THSD7A: variants seen among roughly 807,000 people sequenced by gnomAD.
THSD7A encodes the protein thrombospondin type-1 domain-containing protein 7A.
THSD7A carries 96 observed loss-of-function variants against 231.3 expected under a neutral mutation model. The ratio of observed to expected loss-of-function variants is 0.41; its 90% CI spans 0.35 to 0.49. The LOEUF (loss-of-function observed/expected upper bound fraction) is 0.49, where lower values mean the gene tolerates loss of function less well. THSD7A is among the 20% of genes least tolerant of loss of function. The probability of loss-of-function intolerance (pLI) is 0.05; values close to 1 mark genes in which losing one functional copy is unlikely to be tolerated. For synonymous variants in THSD7A, 940 were observed against 743.3 expected (o/e 1.26, Z -4.30); for missense variants, 2,290 against 2,070.2 (o/e 1.11, Z -2.06).
At chr7:11,502,760 G>A (rs1213679555) in intron 6 of THSD7A, among the ~76,000 whole-genome samples, 1 of 151,984 alleles carries the variant, frequency 6.6e-6, no homozygotes, top group Non-Finnish European at 1.5e-5. Context: ...AATGGTGGAA[G>A]ATCTCTAAAA....
At chr7:11,654,428 G>C (rs1453587912) in intron 1 of THSD7A, among the ~76,000 whole-genome samples, 1 of 151,904 alleles carries the variant, frequency 6.6e-6, no homozygotes, top group East Asian at 1.9e-4. Context: ...AATTGTGTTA[G>C]TTGTTCTTTA....
chr7:11,704,166 T>C (rs568067401), intron 1 of THSD7A, among the ~76,000 whole-genome samples: 1 of 151,188 alleles, frequency 6.6e-6, no homozygotes, highest in African/African-American at 2.4e-5. Context: ...AACAAGTTAT[T>C]TGAAATTTCA....
At chr7:11,557,891 C>G (rs898805627) in intron 4 of THSD7A, among the ~76,000 whole-genome samples, 1 of 152,098 alleles carries the variant, frequency 6.6e-6, no homozygotes, top group African/African-American at 2.4e-5. Flanking sequence ...TACAGTATCA[C>G]AAGGGTGAAA....
intron 6 of THSD7A, among the ~76,000 whole-genome samples, chr7:11,509,454 T>C (rs987205738): frequency 6.6e-6 from 1 of 152,206 alleles, no homozygotes; most frequent in Non-Finnish European, 1.5e-5. Flanking sequence ...CAAATAACTT[T>C]TCAATGCTGC....
chr7:11,378,554 T>G (rs1278947762), intron 26 of THSD7A: 1 of 156,716 alleles, frequency 6.4e-6, no homozygotes, highest in Non-Finnish European at 1.4e-5. Context: ...CTGGCACTAG[T>G]ACAGATTCCA....
chr7:11,450,572 G>T (rs1447548444), intron 11 of THSD7A, among the ~76,000 whole-genome samples: 1 of 151,936 alleles, frequency 6.6e-6, no homozygotes, highest in Admixed American at 6.6e-5. Flanking sequence ...TGATACTAGG[G>T]CGAGGAAAAT....
At chr7:11,420,613 C>G (rs1334967544) in intron 16 of THSD7A, among the ~76,000 whole-genome samples, 2 of 152,184 alleles carry the variant, frequency 1.3e-5, no homozygotes, top group African/African-American at 4.8e-5. Flanking sequence ...GGGTTGGGCC[C>G]CCCCACACAG....
intron 2 of THSD7A, among the ~76,000 whole-genome samples, chr7:11,615,903 T>C (rs1781088379): frequency 6.6e-6 from 1 of 152,176 alleles, no homozygotes; most frequent in Non-Finnish European, 1.5e-5. Flanking sequence ...TTAGATAATA[T>C]TTATTTATGT....
chr7:11,490,646 C>A (rs556836119), intron 6 of THSD7A, among the ~76,000 whole-genome samples: 30 of 151,972 alleles, frequency 2.0e-4, no homozygotes, highest in Non-Finnish European at 3.4e-4. Flanking sequence ...CCCAGTTATT[C>A]ATTTTATATC....
At chr7:11,676,768 G>A (rs1783654170) in intron 1 of THSD7A, among the ~76,000 whole-genome samples, 2 of 152,154 alleles carry the variant, frequency 1.3e-5, no homozygotes, top group South Asian at 4.1e-4. Context: ...GTTGGACTAT[G>A]TGAAAAGACC....
intron 2 of THSD7A, among the ~76,000 whole-genome samples, chr7:11,615,488 A>T (rs1781075089): frequency 6.6e-6 from 1 of 152,128 alleles, no homozygotes; most frequent in Non-Finnish European, 1.5e-5. Flanking sequence ...ACCCCTTCCT[A>T]CTTTAAACTA....
intron 1 of THSD7A, among the ~76,000 whole-genome samples, chr7:11,745,764 G>A (rs1342680095): frequency 2.0e-5 from 3 of 151,956 alleles, no homozygotes; most frequent in Middle Eastern, 3.2e-3. Context: ...TAGATATGTG[G>A]CATTATTTCT....
At chr7:11,392,153 A>G (rs1317110973) in intron 23 of THSD7A, among the ~76,000 whole-genome samples, 1 of 151,934 alleles carries the variant, frequency 6.6e-6, no homozygotes, top group Non-Finnish European at 1.5e-5. Flanking sequence ...AGTGAGATTG[A>G]TGCAGAAGGT....
intron 6 of THSD7A, 128 bp downstream of exon 6, chr7:11,541,291 A>T: frequency 1.2e-6 from 1 of 869,304 alleles, no homozygotes; most frequent in Non-Finnish European, 1.8e-6. Context: ...GGGAGAGAGA[A>T]GCAGCTATTT....
At position 11,682,630 on chromosome 7, in the gene THSD7A, T is replaced by C. The variant is rs145172473; in HGVS notation, c.191-45669A>G. ...AAATGATTACCACTAAACCTAAGAATAGACATAGACATTCACACAGTAATA... is the reference window on the plus strand; with the variant it reads ...AAATGATTACCACTAAACCTAAGAACAGACATAGACATTCACACAGTAATA... On this transcript the variant is annotated intron_variant, in intron 1 of 27. Coordinates refer to ENST00000423059, the MANE Select transcript of THSD7A (RefSeq NM_015204.3). 6.1e-3 allele frequency among the ~76,000 whole-genome samples: 924 copies of C among 152,138 alleles called. 5 individuals are homozygous for C. The highest frequency in any genetic ancestry group is 0.02 in the Middle Eastern group (6 of 294).
At chr7:11,382,661 G>C in intron 23 of THSD7A, 45 bp from the exon 24 acceptor site, 2 of 1,416,670 alleles carry the variant, frequency 1.4e-6, no homozygotes, top group Non-Finnish European at 2.0e-6. Context: ...CTGTTACCCA[G>C]AAGGACAATC....
chr7:11,411,191 C>T lies in THSD7A; in HGVS notation c.3798+16G>A, dbSNP rs376548711. ...GAAGAATTTACTCGCGAAGATATAA[C>T]ACAGCATCCACCTACCGCTTCACAA... On this transcript the variant is annotated intron_variant, in intron 19 of 27. Transcript: ENST00000423059. The surrounding 1 kb of genome is among the most constrained non-coding windows in gnomAD (Gnocchi z 4.1). The T allele has an allele frequency of 1.9e-6, 3 of 1,589,804 alleles. No individual in the cohort carries two copies. Among genetic ancestry groups the T allele is most frequent in the African/African-American group, 2.7e-5 (2 of 74,350 alleles).
rs375697519 is a variant in THSD7A at position 11,476,794 on chromosome 7, A to G, written c.2018-2226T>C. ...CGGGCCACTGCACTCCAGCCTGGTC[A>G]ACAGAGAGAGACTCCGTCTCAGAGA... On this transcript the variant is annotated intron_variant, in intron 7 of 27. Coordinates refer to ENST00000423059, the MANE Select transcript of THSD7A (RefSeq NM_015204.3). Among the ~76,000 whole-genome samples the G allele has an allele frequency of 2.1e-4, 31 of 150,600 alleles. No individual in the cohort carries two copies. In the East Asian group the frequency reaches 5.8e-3, roughly 28 times the overall value.
intron 1 of THSD7A, among the ~76,000 whole-genome samples, chr7:11,806,445 T>A (rs555091866): frequency 6.6e-6 from 1 of 152,332 alleles, no homozygotes; most frequent in South Asian, 2.1e-4. Flanking sequence ...TTAAGGGTTA[T>A]AAGCAGGGAC....
Sources: gnomAD v4.1 joint callset for allele counts (sites outside exome capture counted in the v4.1 genomes callset) on GRCh38, gnomAD v4.1.1 for gene constraint, Gnocchi (gnomAD v3.1) non-coding constraint, MANE v1.5 for transcripts, NCBI Gene and HGNC (gene_info 2026-07-23, HGNC 2026-07-21) for gene names.